C17orf99: variants seen among roughly 807,000 people sequenced by gnomAD.
C17orf99 encodes chromosome 17 open reading frame 99.
In C17orf99, 18 loss-of-function variants were observed where a neutral mutation model predicts 22.6. That is an observed-to-expected ratio of 0.80 (90% confidence interval 0.55 to 1.18). The LOEUF (loss-of-function observed/expected upper bound fraction) is 1.18, where lower values mean the gene tolerates loss of function less well. C17orf99 is among the 50% of genes most tolerant of loss of function. The pLI, the probability that C17orf99 is intolerant of heterozygous loss-of-function variation, is 0.00. For synonymous variants in C17orf99, 147 were observed against 136.6 expected (o/e 1.08, Z -0.53); for missense variants, 328 against 342.7 (o/e 0.96, Z 0.34).
chr17:78,154,123 A>C (rs2075507467), intron 2 of C17orf99, among the ~76,000 whole-genome samples: 1 of 151,416 alleles, frequency 6.6e-6, no homozygotes, highest in Non-Finnish European at 1.5e-5. Flanking sequence ...ACAGGGTTTC[A>C]CCATGTTGCC....
intron 2 of C17orf99, among the ~76,000 whole-genome samples, chr17:78,149,647 C>T (rs2075463703): frequency 1.3e-5 from 2 of 152,188 alleles, no homozygotes; most frequent in African/African-American, 4.8e-5. Flanking sequence ...AATCCTCCTG[C>T]CCCAGCCTCC....
chr17:78,156,099 G>T (rs532895999), intron 2 of C17orf99, among the ~76,000 whole-genome samples: 107 of 151,556 alleles, frequency 7.1e-4, no homozygotes, highest in Non-Finnish European at 9.7e-4. Flanking sequence ...GGAGGCCCAG[G>T]CAGGCGGATC....
chr17:78,161,348 TAGAG>T, intron 3 of C17orf99, 94 bp downstream of exon 3: 1 of 1,135,260 alleles, frequency 8.8e-7, no homozygotes, highest in South Asian at 1.5e-5. Flanking sequence ...TTGCTGGGGT[TAGAG>T]AGAGCCAGGG....
At chr17:78,150,832 G>A (rs2075476232) in intron 2 of C17orf99, among the ~76,000 whole-genome samples, 1 of 152,066 alleles carries the variant, frequency 6.6e-6, no homozygotes, top group Non-Finnish European at 1.5e-5. Context: ...ACTCCAAACG[G>A]CACAGAGGAG....
intron 2 of C17orf99, among the ~76,000 whole-genome samples, chr17:78,152,335 A>AC (rs1375171285): frequency 1.7e-5 from 2 of 118,324 alleles, no homozygotes; most frequent in African/African-American, 3.3e-5. Context: ...TGCCTGCTTA[A>AC]TTTTTTTTTT....
chr17:78,157,541 G>A lies in C17orf99; in HGVS notation c.71-3414G>A, dbSNP rs1423344937. ...AGGCCGGGCGCGGTGGCTCACGCCC[G>A]TAATCCCATCACTTTGGAAGACCGA... On this transcript the variant is annotated intron_variant, in intron 2 of 4. Coordinates refer to ENST00000340363, the MANE Select transcript of C17orf99 (RefSeq NM_001163075.2). 30 of 909,228 alleles carry A rather than the reference G, an allele frequency of 3.3e-5. No individual in the cohort carries two copies. In the East Asian group the frequency reaches 3.8e-4, roughly 12 times the overall value. The allele number at this position is 909,228 out of a possible 1,614,324, so 56.3% of individuals were successfully genotyped here.
At chr17:78,164,046 G>T (rs1480220643) in intron 3 of C17orf99, 49 bp from the exon 4 acceptor site, 41 of 1,487,174 alleles carry the variant, frequency 2.8e-5, no homozygotes, top group Non-Finnish European at 3.8e-5. Flanking sequence ...AGGAGGAGGG[G>T]TTTAAAACCG....
At chr17:78,153,519 C>T (rs1262995586) in intron 2 of C17orf99, among the ~76,000 whole-genome samples, 1 of 152,038 alleles carries the variant, frequency 6.6e-6, no homozygotes, top group Admixed American at 6.6e-5. Context: ...GTCCCTGGTA[C>T]AGTGTACTTT....
At chr17:78,154,159 C>G (rs1213191844) in intron 2 of C17orf99, among the ~76,000 whole-genome samples, 1 of 151,768 alleles carries the variant, frequency 6.6e-6, no homozygotes, top group Non-Finnish European at 1.5e-5. Flanking sequence ...CTCCTGGCCT[C>G]AAACGATTCA....
intron 2 of C17orf99, among the ~76,000 whole-genome samples, chr17:78,147,499 C>G (rs1335402380): frequency 1.3e-5 from 2 of 152,152 alleles, no homozygotes; most frequent in African/African-American, 4.8e-5. Flanking sequence ...GGGAAGGTCC[C>G]TGACAGCCCC....
chr17:78,159,365 G>A (rs548449028), intron 2 of C17orf99, among the ~76,000 whole-genome samples: 18 of 152,134 alleles, frequency 1.2e-4, no homozygotes, highest in African/African-American at 2.4e-4. Flanking sequence ...TGGGCCGGGC[G>A]CAGTGGCTCA....
intron 4 of C17orf99, 148 bp from the exon 5 acceptor site, chr17:78,165,741 G>T: frequency 8.7e-7 from 1 of 1,155,176 alleles, no homozygotes; most frequent in Non-Finnish European, 1.1e-6. Flanking sequence ...GGTGGAGGTT[G>T]CAGTGAGCCG....
chr17:78,155,218 C>G (rs943103854), intron 2 of C17orf99, among the ~76,000 whole-genome samples: 3 of 151,562 alleles, frequency 2.0e-5, no homozygotes, highest in African/African-American at 7.3e-5. Flanking sequence ...GTCCCCAGAC[C>G]CAAAGTTCCC....
chr17:78,149,749 G>A (rs546189600), intron 2 of C17orf99, among the ~76,000 whole-genome samples: 13 of 150,076 alleles, frequency 8.7e-5, no homozygotes, highest in South Asian at 2.1e-4. Flanking sequence ...TCGCTCTGTC[G>A]CCCAGGCTGG....
intron 4 of C17orf99, 104 bp from the exon 5 acceptor site, chr17:78,165,785 A>ATT: frequency 7.9e-7 from 1 of 1,260,730 alleles, no homozygotes; most frequent in East Asian, 3.1e-5. Flanking sequence ...CTGGACAAAA[A>ATT]GAGCAAAACT....
Position 78,164,130 on chromosome 17 carries a change from C to T in C17orf99, c.406C>T (p.Gln136Ter). ...TGAGCTGCGGGCCAACTTCACTCTG[C>T]AGGACAGAGGGGCAGGCCCCAGGGT... ...VSELRANFTL[Q>*]DRGAGPRVEM... Residue 136 changes from glutamine to a stop codon, truncating the protein, a stop_gained, in exon 4 of 5, where the codon CAG becomes TAG. Coordinates refer to ENST00000340363, the MANE Select transcript of C17orf99 (RefSeq NM_001163075.2). LOFTEE classifies it high-confidence loss of function. 6.4e-7 allele frequency: 1 copy of T among 1,551,746 alleles called. No individual in the cohort carries two copies. Among genetic ancestry groups the T allele is most frequent in the Non-Finnish European group, 8.7e-7 (1 of 1,147,024 alleles).
At chr17:78,157,343 C>CGGT (rs2075534528) in intron 2 of C17orf99, 2 of 755,010 alleles carry the variant, frequency 2.6e-6, no homozygotes, top group African/African-American at 3.8e-5. Flanking sequence ...GCGGCGGCGG[C>CGGT]GGCGGTGGGC....
intron 2 of C17orf99, among the ~76,000 whole-genome samples, chr17:78,151,860 GCCCCTC>G (rs1363147803): frequency 6.6e-6 from 1 of 152,168 alleles, no homozygotes; most frequent in Admixed American, 6.5e-5. Context: ...AGATCTCAGA[GCCCCTC>G]CCTAGGTCTA....
Position 78,161,266 on chromosome 17 carries a change from G to A in C17orf99, c.370+12G>A. 1.3e-6 allele frequency: 2 copies of A among 1,548,672 alleles called. No individual in the cohort carries two copies. Among genetic ancestry groups the A allele is most frequent in the Non-Finnish European group, 1.7e-6 (2 of 1,144,620 alleles). On this transcript the variant is annotated intron_variant, in intron 3 of 4. Transcript: ENST00000340363. ...GGAGCTGTGGTCCAGTGAGTGCGGT[G>A]GGGGGCACAGGGCTGAGGAGGCAGG...
Sources: gnomAD v4.1 joint callset for allele counts (sites outside exome capture counted in the v4.1 genomes callset) on GRCh38, gnomAD v4.1.1 for gene constraint, MANE v1.5 for transcripts, NCBI Gene and HGNC (gene_info 2026-07-23, HGNC 2026-07-21) for gene names.